The following PLXNB1 variants were observed in gnomAD, a reference collection of about 807,000 sequenced individuals.
The protein encoded by PLXNB1 is plexin-B1.
Under a neutral mutation model 209.4 loss-of-function variants are expected in PLXNB1, and 106 were observed. The ratio of observed to expected loss-of-function variants is 0.51; its 90% CI spans 0.43 to 0.59. PLXNB1 has a LOEUF of 0.59. Among genes scored for constraint, PLXNB1 ranks in the 20% least tolerant of loss-of-function variants. The pLI, the probability that PLXNB1 is intolerant of heterozygous loss-of-function variation, is 0.00. For missense variants in PLXNB1, 2,357 were observed against 2,853.2 expected, an observed-to-expected ratio of 0.83 and a Z score of 3.96; for synonymous variants, 1,167 against 1,183.2, an observed-to-expected ratio of 0.99 and a Z score of 0.28.
At position 48,415,790 on chromosome 3, in the gene PLXNB1, G is replaced by C. The variant is rs775147157; in HGVS notation, c.3618-31C>G. 6.0e-5 allele frequency: 91 copies of C among 1,527,234 alleles called. No individual in the cohort carries two copies. In the Admixed American group the frequency reaches 1.8e-3, roughly 29 times the overall value. The allele number at this position is 1,527,234 out of a possible 1,614,324, so 94.6% of individuals were successfully genotyped here. A position where few individuals can be genotyped will look rare whatever the true frequency, so the allele number is the denominator to read the frequency against. On this transcript the variant is annotated intron_variant, in intron 18 of 37. Transcript: ENST00000296440. The surrounding 1 kb of genome is among the most constrained non-coding windows in gnomAD (Gnocchi z 5.0). ...AGGGGAGGTGGGAATGAATGCAGGG[G>C]CGCAGGCAGGGAAAACTTGGACCAC... is the stretch of plus-strand genomic sequence containing the variant.
chr3:48,428,874 A>G (rs374999979), intron 1 of PLXNB1, among the ~76,000 whole-genome samples: 2 of 137,628 alleles, frequency 1.5e-5, no homozygotes, highest in African/African-American at 5.4e-5. Context: ...CACCGGGAGC[A>G]GCCAGAAAGG....
chr3:48,413,029 G>A lies in PLXNB1; in HGVS notation c.4636+40C>T. The stretch of plus-strand genomic sequence containing the variant: ...TCCCGTGTGATGGGAGTGGGTTTGG[G>A]CAGAGTTCTGGAGGGCGGGGCCCAT... On this transcript the variant is annotated intron_variant, in intron 24 of 37. Transcript: ENST00000296440. The surrounding 1 kb of genome is among the most constrained non-coding windows in gnomAD (Gnocchi z 5.4). The A allele has an allele frequency of 6.2e-7, 1 of 1,608,474 alleles. No individual in the cohort carries two copies.
In PLXNB1 at chr3:48,405,957, A is replaced by G. The variant is rs2037295472; in HGVS notation, c.6229-159T>C. ...GGAAGCAGAGTCCCCTCCATGGCCC[A>G]GGGACCCCAGGCCAGGTGTGCCAGA... On this transcript the variant is annotated intron_variant, in intron 36 of 37. Transcript: ENST00000296440. The surrounding 1 kb of genome is among the most constrained non-coding windows in gnomAD (Gnocchi z 5.0). 3.2e-6 allele frequency: 2 copies of G among 616,370 alleles called. No individual in the cohort carries two copies. Among genetic ancestry groups the G allele is most frequent in the Non-Finnish European group, 5.9e-6 (2 of 340,862 alleles). The allele number at this position is 616,370 out of a possible 1,614,324, so 38.2% of individuals were successfully genotyped here.
chr3:48,415,973 C>A lies in PLXNB1; in HGVS notation c.3617+58G>T. ...TTCTGCTCTCCCCAGGATCTCAGAC[C>A]CCTCCATCTTTCCCCTGGAGCAGAT... is the stretch of plus-strand genomic sequence containing the variant. On this transcript the variant is annotated intron_variant, in intron 18 of 37. Coordinates refer to ENST00000296440, the MANE Select transcript of PLXNB1 (RefSeq NM_001130082.3). This position sits in a 1 kb window ranked among gnomAD's most constrained non-coding sequence, Gnocchi z 5.0. 1 of 1,548,808 alleles carries A rather than the reference C, an allele frequency of 6.5e-7. No homozygotes were observed. The highest frequency in any genetic ancestry group is 8.8e-7 in the Non-Finnish European group (1 of 1,140,936).
chr3:48,407,956 G>T (rs1287128168), intron 34 of PLXNB1, among the ~76,000 whole-genome samples: 1 of 152,208 alleles, frequency 6.6e-6, no homozygotes. Flanking sequence ...ACAGCATGTG[G>T]AACAAAAATG....
At chr3:48,426,468 C>A (rs546016738) in intron 1 of PLXNB1, among the ~76,000 whole-genome samples, 1 of 152,242 alleles carries the variant, frequency 6.6e-6, no homozygotes, top group Non-Finnish European at 1.5e-5. Flanking sequence ...AGCTGCCAAG[C>A]TGTCTGTGCA....
chr3:48,414,730 A>G, intron 21 of PLXNB1, 69 bp downstream of exon 21: 2 of 1,561,598 alleles, frequency 1.3e-6, no homozygotes, highest in Non-Finnish European at 1.7e-6. Context: ...CCTCTCCGCC[A>G]CACACAGCAG....
intron 1 of PLXNB1, among the ~76,000 whole-genome samples, chr3:48,427,835 G>T (rs2038974181): frequency 6.6e-6 from 1 of 152,210 alleles, no homozygotes; most frequent in Non-Finnish European, 1.5e-5. Flanking sequence ...GCGGTGGACA[G>T]AATGGACACA....
chr3:48,409,755 G>T lies in PLXNB1; in HGVS notation c.5779-24C>A. On this transcript the variant is annotated intron_variant, in intron 32 of 37. Transcript: ENST00000296440. This position sits in a 1 kb window ranked among gnomAD's most constrained non-coding sequence, Gnocchi z 5.8. ...CCCTGTGGGAAGGAAGAAGCAGAGA[G>T]GTGTGGTCAGCAAAGGGCCCTCAGC... is the stretch of plus-strand genomic sequence containing the variant. 1 of 1,609,748 alleles carries T rather than the reference G, an allele frequency of 6.2e-7. No individual in the cohort carries two copies. The highest frequency in any genetic ancestry group is 8.5e-7 in the Non-Finnish European group (1 of 1,177,760).
Position 48,412,469 on chromosome 3 carries a change from G to C in PLXNB1, c.5006C>G (p.Ala1669Gly). ...LLSDLVAQYV[A>G]KNPKLMLRRT... is the part of the protein sequence containing the mutation. ...GCGCAGCATCAGCTTGGGGTTCTTG[G>C]CCACATACTGGGCAACCAGGTCACT... The change falls in exon 26 of 38, where the codon GCC (alanine) becomes GGC (glycine). Residue 1669 changes from alanine to glycine, a missense_variant. Coordinates refer to ENST00000296440, the MANE Select transcript of PLXNB1 (RefSeq NM_001130082.3). 1 of 1,613,646 alleles carries C rather than the reference G, an allele frequency of 6.2e-7. No homozygotes were observed. Among genetic ancestry groups the C allele is most frequent in the African/African-American group, 1.3e-5 (1 of 75,076 alleles).
chr3:48,409,254 A>G lies in PLXNB1; in HGVS notation c.6087+75T>C. 4 of 1,549,348 alleles carry G rather than the reference A, an allele frequency of 2.6e-6. No individual in the cohort carries two copies. The highest frequency in any genetic ancestry group is 3.5e-6 in the Non-Finnish European group (4 of 1,137,306). ...AAGCCCTCCTTGAAGTTCTCAGAAAAGCCTGGAATCTGAGTGCACACACAG... is the reference window on the plus strand; with the variant it reads ...AAGCCCTCCTTGAAGTTCTCAGAAAGGCCTGGAATCTGAGTGCACACACAG... On this transcript the variant is annotated intron_variant, in intron 34 of 37. Transcript: ENST00000296440. The surrounding 1 kb of genome is among the most constrained non-coding windows in gnomAD (Gnocchi z 5.8).
chr3:48,411,402 G>C lies in PLXNB1; in HGVS notation c.5248-366C>G, dbSNP rs144963549. Among the ~76,000 whole-genome samples, 62 of 152,342 alleles carry C rather than the reference G, an allele frequency of 4.1e-4. No individual in the cohort carries two copies. Among genetic ancestry groups the C allele is most frequent in the African/African-American group, 1.4e-3 (57 of 41,572 alleles). On this transcript the variant is annotated intron_variant, in intron 28 of 37. Transcript: ENST00000296440. The surrounding 1 kb of genome is among the most constrained non-coding windows in gnomAD (Gnocchi z 4.0). ...AGCAAATATTCCCACCTATCCGACAGGGGAGGGGTTCAGCAGGCCTGAATG... is the reference window on the plus strand; with the variant it reads ...AGCAAATATTCCCACCTATCCGACACGGGAGGGGTTCAGCAGGCCTGAATG...
chr3:48,422,126 C>G lies in PLXNB1; in HGVS notation c.1499G>C (p.Gly500Ala). The change falls in exon 6 of 38, where the codon GGG becomes GCG. Residue 500 changes from glycine (G) to alanine (A), a missense_variant. Physicochemically the swap from Gly to Ala is moderately conservative, Grantham distance 60. Coordinates refer to ENST00000296440, the MANE Select transcript of PLXNB1 (RefSeq NM_001130082.3). ...SCLAHRDPYC[G>A]WCVLLGRCSR... ...TGACCTGCCAAGGAGCACGCACCAC[C>G]CACAGTATGGGTCCCTGTGAGCAAG... 1 of 1,613,940 alleles carries G rather than the reference C, an allele frequency of 6.2e-7. No individual in the cohort carries two copies.
Position 48,416,511 on chromosome 3 carries a change from C to T in PLXNB1, c.3375-60G>A. ...TGCATCAAGGGCCCCTCAAGCTTAC[C>T]TGGCAGCCCCTCTCCCTGCCCTACT... On this transcript the variant is annotated intron_variant, in intron 16 of 37. Coordinates refer to ENST00000296440, the MANE Select transcript of PLXNB1 (RefSeq NM_001130082.3). This position sits in a 1 kb window ranked among gnomAD's most constrained non-coding sequence, Gnocchi z 4.1. 1 of 1,133,706 alleles carries T rather than the reference C, an allele frequency of 8.8e-7. No individual in the cohort carries two copies. Among genetic ancestry groups the T allele is most frequent in the Non-Finnish European group, 1.3e-6 (1 of 771,750 alleles). The allele number at this position is 1,133,706 out of a possible 1,614,324, so 70.2% of individuals were successfully genotyped here. A position where few individuals can be genotyped will look rare whatever the true frequency, so the allele number is the denominator to read the frequency against.
Position 48,406,863 on chromosome 3 carries a change from C to A in PLXNB1, c.6188G>T (p.Ser2063Ile). The change falls in exon 36 of 38, where the codon AGC becomes ATC. Residue 2063 changes from serine (S) to isoleucine (I), a missense_variant. By Grantham distance (142) the Ser-to-Ile change is moderately radical. This residue lies in a region of PLXNB1 where 414 missense variants were observed against 520.5 expected (regional missense o/e 0.80). Coordinates refer to ENST00000296440, the MANE Select transcript of PLXNB1 (RefSeq NM_001130082.3). This position sits in a 1 kb window ranked among gnomAD's most constrained non-coding sequence, Gnocchi z 4.4. ...CAGGACAGAGTTCATCTCTTGGTCG[C>A]TGGCTGGGACAGTCTGTCTGATGTC... The part of the protein sequence containing the change: ...YADIRQTVPA[S>I]DQEMNSVLAE... 3.1e-6 allele frequency: 5 copies of A among 1,612,914 alleles called. No homozygotes were observed. Among genetic ancestry groups the A allele is most frequent in the African/African-American group, 1.3e-5 (1 of 74,998 alleles).
At chr3:48,407,181 T>C in intron 34 of PLXNB1, 90 bp from the exon 35 acceptor site, 1 of 1,209,062 alleles carries the variant, frequency 8.3e-7, no homozygotes, top group Non-Finnish European at 1.2e-6. Context: ...TTCCCAGTAC[T>C]GCTTCAGTTT....
Position 48,410,683 on chromosome 3 carries a change from A to C in PLXNB1, c.5417-125T>G. ...GGGCAGCCTTACTCAACCTCTCCAAAGACCAAGAGCAGGGACCCCCTCCCC... is the reference window on the plus strand; with the variant it reads ...GGGCAGCCTTACTCAACCTCTCCAACGACCAAGAGCAGGGACCCCCTCCCC... On this transcript the variant is annotated intron_variant, in intron 29 of 37. Coordinates refer to ENST00000296440, the MANE Select transcript of PLXNB1 (RefSeq NM_001130082.3). The surrounding 1 kb of genome is among the most constrained non-coding windows in gnomAD (Gnocchi z 6.4). The C allele has an allele frequency of 1.0e-6, 1 of 981,844 alleles. No homozygotes were observed. Among genetic ancestry groups the C allele is most frequent in the South Asian group, 1.5e-5 (1 of 65,412 alleles). 60.8% of individuals were successfully genotyped at this position (981,844 alleles called of 1,614,324 possible). A position where few individuals can be genotyped will look rare whatever the true frequency, so the allele number is the denominator to read the frequency against.
chr3:48,425,365 G>C (rs1490740551), intron 1 of PLXNB1, 32 bp from the exon 2 acceptor site: 1 of 152,258 alleles, frequency 6.6e-6, no homozygotes, highest in East Asian at 1.9e-4. Context: ...TGTGAAGCCG[G>C]GGCCTGGGCT....
chr3:48,415,452 C>T lies in PLXNB1; in HGVS notation c.3795-105G>A. ...TCAGCTCAGCCCCAGCCCCAAACCA[C>T]ACGACCCCTTGCCCCTACTAGCAGC... On this transcript the variant is annotated intron_variant, in intron 19 of 37. Coordinates refer to ENST00000296440, the MANE Select transcript of PLXNB1 (RefSeq NM_001130082.3). This position sits in a 1 kb window ranked among gnomAD's most constrained non-coding sequence, Gnocchi z 5.0. The T allele has an allele frequency of 7.0e-7, 1 of 1,437,650 alleles. No homozygotes were observed. The highest frequency in any genetic ancestry group is 9.5e-7 in the Non-Finnish European group (1 of 1,055,242). 89.1% of individuals were successfully genotyped at this position (1,437,650 alleles called of 1,614,324 possible).
Sources: gnomAD v4.1 joint callset for allele counts (sites outside exome capture counted in the v4.1 genomes callset) on GRCh38, gnomAD v4.1.1 for gene constraint, gnomAD v4.1.1 regional missense constraint, Gnocchi (gnomAD v3.1) non-coding constraint, MANE v1.5 for transcripts, NCBI Gene and HGNC (gene_info 2026-07-23, HGNC 2026-07-21) for gene names.